The following SUPT3H variants were observed in gnomAD, a reference collection of about 807,000 sequenced individuals.
SUPT3H encodes SPT3 homolog, SAGA and STAGA complex component.
A neutral mutation model predicts 44.3 loss-of-function variants in SUPT3H; 44 were observed. The ratio of observed to expected loss-of-function variants is 0.99; its 90% confidence interval spans 0.78 to 1.28. The LOEUF (loss-of-function observed/expected upper bound fraction) is 1.28, where lower values mean the gene tolerates loss of function less well. SUPT3H is among the 50% of genes most tolerant of loss of function. The pLI is 0.00. For missense variants in SUPT3H, 380 were observed against 387.1 expected, an observed-to-expected ratio of 0.98 and a Z score of 0.15; for synonymous variants, 124 against 125.6, an observed-to-expected ratio of 0.99 and a Z score of 0.09.
chr6:45,092,750 C>CA (rs71674371), intron 3 of SUPT3H, among the ~76,000 whole-genome samples: 7,966 of 127,528 alleles, frequency 0.062, 504 homozygotes, highest in African/African-American at 0.14. Context: ...GACTTCGTCT[C>CA]AAAAAAAAAA....
intron 3 of SUPT3H, among the ~76,000 whole-genome samples, chr6:45,024,274 T>A (rs1036129850): frequency 4.6e-5 from 7 of 152,194 alleles, no homozygotes; most frequent in African/African-American, 1.7e-4. Context: ...AAATGCCACA[T>A]CTTTGACCCT....
At chr6:45,056,274 A>G (rs1388499508) in intron 3 of SUPT3H, among the ~76,000 whole-genome samples, 1 of 152,168 alleles carries the variant, frequency 6.6e-6, no homozygotes, top group Non-Finnish European at 1.5e-5. Flanking sequence ...CAGTGTGGAG[A>G]TTCCTTAAAG....
At chr6:45,086,894 C>T (rs372312202) in intron 3 of SUPT3H, among the ~76,000 whole-genome samples, 12 of 151,772 alleles carry the variant, frequency 7.9e-5, no homozygotes, top group Middle Eastern at 3.4e-3. Context: ...GTGTAAGAAA[C>T]GGAAAAATAT....
intron 7 of SUPT3H, among the ~76,000 whole-genome samples, chr6:44,957,790 A>AT (rs1414941563): frequency 6.6e-6 from 1 of 152,158 alleles, no homozygotes; most frequent in East Asian, 1.9e-4. Flanking sequence ...TGAATGAAGT[A>AT]TTTTTTAAAT....
At chr6:45,049,430 G>C (rs1468951001) in intron 3 of SUPT3H, among the ~76,000 whole-genome samples, 1 of 152,184 alleles carries the variant, frequency 6.6e-6, no homozygotes, top group Admixed American at 6.6e-5. Flanking sequence ...GTGACAGCAT[G>C]AGTCACTTCT....
At chr6:45,251,081 A>T (rs1220722216) in intron 2 of SUPT3H, 1 of 152,194 alleles carries the variant, frequency 6.6e-6, no homozygotes, top group Non-Finnish European at 1.5e-5. Flanking sequence ...GAGTGCTGGG[A>T]TTACAGGTGT....
At chr6:44,905,722 T>A (rs1378244666) in intron 10 of SUPT3H, among the ~76,000 whole-genome samples, 1 of 152,214 alleles carries the variant, frequency 6.6e-6, no homozygotes. Context: ...CATGCACATG[T>A]ATGTTTATTG....
chr6:45,155,085 C>T (rs1415972191), intron 2 of SUPT3H, among the ~76,000 whole-genome samples: 3 of 152,114 alleles, frequency 2.0e-5, no homozygotes, highest in African/African-American at 4.8e-5. Context: ...ATGCATCTTA[C>T]TGGGCTCATT....
intron 4 of SUPT3H, among the ~76,000 whole-genome samples, chr6:45,018,311 C>T (rs577633176): frequency 2.0e-3 from 307 of 152,110 alleles, no homozygotes; most frequent in Non-Finnish European, 2.5e-3. Context: ...ATTTGACTTC[C>T]TCTTTTCCTA....
intron 9 of SUPT3H, among the ~76,000 whole-genome samples, chr6:44,937,279 G>T (rs1771602282): frequency 6.6e-6 from 1 of 151,866 alleles, no homozygotes; most frequent in East Asian, 2.0e-4. Context: ...ATCACTAGAG[G>T]TCAAGAGTTT....
chr6:45,275,613 A>C (rs1776890949), intron 2 of SUPT3H, among the ~76,000 whole-genome samples: 1 of 152,082 alleles, frequency 6.6e-6, no homozygotes, highest in Admixed American at 6.5e-5. Context: ...ATTCCACTGG[A>C]GGAAAAACTG....
intron 3 of SUPT3H, among the ~76,000 whole-genome samples, chr6:45,070,538 G>A (rs1012344286): frequency 1.3e-5 from 2 of 151,796 alleles, no homozygotes; most frequent in Non-Finnish European, 2.9e-5. Flanking sequence ...TCAGGAGTTC[G>A]AGACCAGCCT....
At chr6:45,172,885 C>T (rs975752638) in intron 2 of SUPT3H, among the ~76,000 whole-genome samples, 20 of 152,128 alleles carry the variant, frequency 1.3e-4, no homozygotes, top group African/African-American at 4.6e-4. Flanking sequence ...CCACCACACC[C>T]GGCCCAGATA....
intron 2 of SUPT3H, among the ~76,000 whole-genome samples, chr6:45,320,285 A>G (rs1249294526): frequency 6.6e-6 from 1 of 152,014 alleles, no homozygotes; most frequent in Non-Finnish European, 1.5e-5. Context: ...GTTTTTTGAG[A>G]CAGGGCTTTG....
At chr6:44,993,686 A>G (rs371345668) in intron 6 of SUPT3H, among the ~76,000 whole-genome samples, 13 of 152,274 alleles carry the variant, frequency 8.5e-5, no homozygotes, top group East Asian at 3.9e-4. Context: ...ACTGAATGAC[A>G]TTAATCCTGC....
chr6:45,272,754 T>C (rs1015153392), intron 2 of SUPT3H, among the ~76,000 whole-genome samples: 22 of 151,468 alleles, frequency 1.5e-4, no homozygotes, highest in Non-Finnish European at 2.8e-4. Context: ...CATTTTTTTT[T>C]CTGCTAAAGC....
At chr6:44,900,770 C>A (rs937398562) in intron 10 of SUPT3H, among the ~76,000 whole-genome samples, 20 of 152,186 alleles carry the variant, frequency 1.3e-4, no homozygotes, top group Admixed American at 7.9e-4. Flanking sequence ...GGAGGCACCC[C>A]CTAGCAGGGG....
intron 3 of SUPT3H, among the ~76,000 whole-genome samples, chr6:45,044,211 C>A (rs1192358656): frequency 6.6e-6 from 1 of 152,176 alleles, no homozygotes; most frequent in African/African-American, 2.4e-5. Context: ...ATTATCATTT[C>A]CAACCTCGCC....
chr6:45,071,953 T>A (rs1407805695), intron 3 of SUPT3H, among the ~76,000 whole-genome samples: 1 of 152,146 alleles, frequency 6.6e-6, no homozygotes, highest in East Asian at 1.9e-4. Context: ...ATGCTAATAA[T>A]CTCTCTACAG....
Sources: allele counts gnomAD v4.1 joint callset (sites outside exome capture counted in the v4.1 genomes callset), GRCh38; gene constraint gnomAD v4.1.1; transcripts MANE v1.5; gene names NCBI Gene and HGNC (gene_info 2026-07-23, HGNC 2026-07-21).